FAM227A: variants seen among roughly 807,000 people sequenced by gnomAD.
FAM227A encodes family with sequence similarity 227 member A.
In FAM227A, 80 loss-of-function variants were observed where a neutral mutation model predicts 74.7. The ratio of observed to expected loss-of-function variants is 1.07; its 90% CI spans 0.89 to 1.29. The LOEUF is 1.29. Ranked by LOEUF, FAM227A falls within the 50% of genes most tolerant of loss-of-function variation. The pLI is 0.00. For missense variants in FAM227A, 654 were observed against 683.4 expected, an observed-to-expected ratio of 0.96 and a Z score of 0.48; for synonymous variants, 237 against 241.8, an observed-to-expected ratio of 0.98 and a Z score of 0.19.
At chr22:38,596,313 T>C (rs1054162476) in intron 15 of FAM227A, among the ~76,000 whole-genome samples, 2 of 152,152 alleles carry the variant, frequency 1.3e-5, no homozygotes, top group African/African-American at 4.8e-5. Flanking sequence ...AGAGTGAGAC[T>C]CTGGCTCAAA....
intron 3 of FAM227A, 115 bp from the exon 4 acceptor site, chr22:38,639,839 T>G: frequency 2.7e-6 from 2 of 735,100 alleles, no homozygotes. Context: ...GGAGCAAAGT[T>G]TGTGGACAGT....
chr22:38,582,905 T>C lies in FAM227A; in HGVS notation c.*3220A>G. ...GGGAAGGCTCCCAAGATGAGGGACGTCTAAGCGGGGTCCTGGAGGAAGAGC... is the reference window on the plus strand; with the variant it reads ...GGGAAGGCTCCCAAGATGAGGGACGCCTAAGCGGGGTCCTGGAGGAAGAGC... On this transcript the variant is annotated 3_prime_UTR_variant, in exon 17 of 17. Transcript: ENST00000535113. 1 of 1,550,472 alleles carries C rather than the reference T, an allele frequency of 6.4e-7. No individual in the cohort carries two copies. The highest frequency in any genetic ancestry group is 8.7e-7 in the Non-Finnish European group (1 of 1,146,976).
intron 5 of FAM227A, 69 bp downstream of exon 5, chr22:38,638,677 A>C (rs1321193005): frequency 1.4e-5 from 16 of 1,154,588 alleles, no homozygotes; most frequent in Non-Finnish European, 1.8e-5. Flanking sequence ...TCTCCTCCCC[A>C]GGAATAAAAT....
rs371740615 is a variant in FAM227A at position 38,586,159 on chromosome 22, A to T, written c.1679T>A (p.Val560Asp). Residue 560 changes from valine to aspartate, a missense_variant, in exon 17 of 17, where the codon GTT (valine) becomes GAT (aspartate). By Grantham distance (152) the Val-to-Asp change is radical. Transcript: ENST00000535113. The part of the protein sequence containing the change: ...GGEGKRRETE[V>D]EHFFPLTSKP ...GGAAGTGAGTGGAAAGAAATGTTCA[A>T]CTTCTGTTTCTCTTCTCTTTCCCTC... 6.4e-7 allele frequency: 1 copy of T among 1,551,652 alleles called. No individual in the cohort carries two copies. Among genetic ancestry groups the T allele is most frequent in the East Asian group, 2.4e-5 (1 of 40,938 alleles).
At chr22:38,587,671 A>C (rs543378559) in intron 16 of FAM227A, among the ~76,000 whole-genome samples, 26 of 152,320 alleles carry the variant, frequency 1.7e-4, no homozygotes, top group Non-Finnish European at 3.7e-4. Context: ...ATTAACACCA[A>C]TTCTTCTCAA....
At position 38,640,899 on chromosome 22, in the gene FAM227A, GGT is replaced by G. The variant is rs1231740104; in HGVS notation, c.226-1177_226-1176del. On this transcript the variant is annotated intron_variant, in intron 3 of 16. Transcript: ENST00000535113. The stretch of plus-strand genomic sequence containing the variant: ...GAAAGGTACTGGGCATGTGTGCAGG[GGT>G]GTGTGTATGTGTGTGTGCCAGTGGT... Among the ~76,000 whole-genome samples the G allele has an allele frequency of 2.0e-5, 3 of 152,034 alleles. No individual in the cohort carries two copies. The East Asian group carries it at 5.8e-4, about 29-fold the overall frequency.
rs150843617 is a variant in FAM227A at position 38,613,924 on chromosome 22, T to C, written c.1038+6288A>G. On this transcript the variant is annotated intron_variant, in intron 11 of 16. Transcript: ENST00000535113. ...TCTCGCTCTACTGCCCAGGCTGGAG[T>C]GCAGGGGTGCGATCTCAGCTCACTG... is the stretch of plus-strand genomic sequence containing the variant. Among the ~76,000 whole-genome samples, 10 of 152,194 alleles carry C rather than the reference T, an allele frequency of 6.6e-5. No individual in the cohort carries two copies. In the East Asian group the frequency reaches 1.9e-3, roughly 29 times the overall value.
chr22:38,612,430 G>A (rs1238044262), intron 11 of FAM227A, among the ~76,000 whole-genome samples: 1 of 152,024 alleles, frequency 6.6e-6, no homozygotes, highest in Non-Finnish European at 1.5e-5. Context: ...CTTTGCACAT[G>A]CTGTCCCTTC....
At chr22:38,646,355 G>A (rs901880837) in intron 2 of FAM227A, among the ~76,000 whole-genome samples, 1 of 140,490 alleles carries the variant, frequency 7.1e-6, no homozygotes, top group Admixed American at 7.2e-5. Flanking sequence ...CGCCTCCCGG[G>A]TTCACGCCAT....
chr22:38,612,987 C>G (rs975760020), intron 11 of FAM227A, among the ~76,000 whole-genome samples: 1 of 141,936 alleles, frequency 7.0e-6, no homozygotes, highest in Non-Finnish European at 1.5e-5. Context: ...CTTACAGAGG[C>G]CTTCTTTCAC....
At chr22:38,644,867 C>T (rs894775582) in intron 3 of FAM227A, among the ~76,000 whole-genome samples, 8 of 151,744 alleles carry the variant, frequency 5.3e-5, no homozygotes, top group Admixed American at 1.3e-4. Flanking sequence ...GTGGGTGGAT[C>T]ACTTGAGGTG....
At chr22:38,591,834 T>A (rs2090943898) in intron 15 of FAM227A, among the ~76,000 whole-genome samples, 1 of 152,176 alleles carries the variant, frequency 6.6e-6, no homozygotes, top group African/African-American at 2.4e-5. Flanking sequence ...AGAGCAACCC[T>A]GCCCTGATGT....
intron 16 of FAM227A, among the ~76,000 whole-genome samples, chr22:38,586,766 T>C (rs2090818542): frequency 6.6e-6 from 1 of 152,154 alleles, no homozygotes; most frequent in Non-Finnish European, 1.5e-5. Flanking sequence ...ACTCCCGGGT[T>C]CAAGTGATTT....
Position 38,586,203 on chromosome 22 carries a change from TG to T in FAM227A, c.1639-5del. 6.5e-7 allele frequency: 1 copy of T among 1,543,514 alleles called. No homozygotes were observed. The highest frequency in any genetic ancestry group is 8.7e-7 in the Non-Finnish European group (1 of 1,144,784). On this transcript the variant is annotated splice_polypyrimidine_tract_variant and splice_region_variant and intron_variant, in intron 16 of 16. Coordinates refer to ENST00000535113, the MANE Select transcript of FAM227A (RefSeq NM_001013647.2). ...TTCCCTCTCCTCCTTTCCCCTCCTG[TG>T]GGGGAAACAAACGAACAAAAACAAA...
intron 8 of FAM227A, among the ~76,000 whole-genome samples, chr22:38,626,913 T>TATATAC (rs34078214): frequency 0.049 from 4,373 of 89,048 alleles, 267 homozygotes; most frequent in East Asian, 0.075. Flanking sequence ...TATATATATA[T>TATATAC]ACACGTATAT....
At chr22:38,648,803 T>C (rs1429602015) in intron 2 of FAM227A, among the ~76,000 whole-genome samples, 1 of 151,336 alleles carries the variant, frequency 6.6e-6, no homozygotes, top group Non-Finnish European at 1.5e-5. Flanking sequence ...TGAAACCCCG[T>C]CTCTACTAAA....
chr22:38,629,132 C>T (rs543714841), intron 6 of FAM227A, 197 bp from the exon 7 acceptor site: 9 of 474,864 alleles, frequency 1.9e-5, no homozygotes, highest in Non-Finnish European at 2.9e-5. Context: ...ATGAGGAAAC[C>T]GAGGACCAAA....
chr22:38,628,860 A>C lies in FAM227A; in HGVS notation c.595T>G (p.Trp199Gly), dbSNP rs1222106129. ...SPRAIWLDSF[W>G]WIFHERYQPN... ...TGGTACCTCTCATGAAATATCCACCAAAAGCTATCCAGCCAGATGGCTCTT... is the reference window on the plus strand; with the variant it reads ...TGGTACCTCTCATGAAATATCCACCCAAAGCTATCCAGCCAGATGGCTCTT... The change falls in exon 7 of 17, where the codon TGG becomes GGG. Residue 199 changes from tryptophan to glycine, a missense_variant. By Grantham distance (184) the Trp-to-Gly change is radical. Transcript: ENST00000535113. The C allele has an allele frequency of 2.6e-6, 4 of 1,544,962 alleles. No individual in the cohort carries two copies. The African/African-American group carries it at 4.1e-5, about 16-fold the overall frequency.
chr22:38,597,462 A>G (rs5750633), intron 14 of FAM227A, 106 bp from the exon 15 acceptor site: 341,253 of 1,102,792 alleles, frequency 0.31, 55,350 homozygotes, highest in East Asian at 0.49. Context: ...GGAGGACAGA[A>G]CAGGGAAAAT....
Sources: gnomAD v4.1 joint callset for allele counts (sites outside exome capture counted in the v4.1 genomes callset) on GRCh38, gnomAD v4.1.1 for gene constraint, MANE v1.5 for transcripts, NCBI Gene and HGNC (gene_info 2026-07-23, HGNC 2026-07-21) for gene names.